UHRF1: variants seen among roughly 807,000 people sequenced by gnomAD.
The protein encoded by UHRF1 is ubiquitin like with PHD and ring finger domains 1, also known as E3 ubiquitin-protein ligase UHRF1.
In UHRF1, 9 loss-of-function variants were observed where a neutral mutation model predicts 96.5. That is an observed-to-expected ratio of 0.09 (90% CI 0.06 to 0.16). The LOEUF (loss-of-function observed/expected upper bound fraction) is 0.16, where lower values mean the gene tolerates loss of function less well. UHRF1 is among the 10% of genes least tolerant of loss of function. UHRF1 has a pLI of 1.00. For synonymous variants in UHRF1, 455 were observed against 469.9 expected (o/e 0.97, Z 0.41); for missense variants, 626 against 1,131.1 (o/e 0.55, Z 6.40).
intron 2 of UHRF1, among the ~76,000 whole-genome samples, chr19:4,915,380 A>G (rs1377777768): frequency 3.3e-5 from 5 of 152,126 alleles, no homozygotes; most frequent in Non-Finnish European, 7.4e-5. Flanking sequence ...CAATCTGTAA[A>G]CCGGTGGGCG....
At chr19:4,937,490 T>G (rs1247427449) in intron 5 of UHRF1, among the ~76,000 whole-genome samples, 3 of 151,948 alleles carry the variant, frequency 2.0e-5, no homozygotes, top group Non-Finnish European at 4.4e-5. Context: ...GCCTCTGGAG[T>G]AGCTGGGATT....
chr19:4,929,122 C>A (rs566055334), intron 2 of UHRF1, 100 bp from the exon 3 acceptor site: 85 of 1,439,176 alleles, frequency 5.9e-5, no homozygotes, highest in Admixed American at 1.9e-4. Flanking sequence ...GCCCCCCCCC[C>A]ACAAGGGCTG....
chr19:4,910,565 C>A, intron 1 of UHRF1: 1 of 293,324 alleles, frequency 3.4e-6, no homozygotes, highest in Non-Finnish European at 6.3e-6. Flanking sequence ...GCCACTTGGC[C>A]CGGGCCTCCT....
chr19:4,938,444 C>G (rs1789219266), intron 5 of UHRF1, among the ~76,000 whole-genome samples: 1 of 151,848 alleles, frequency 6.6e-6, no homozygotes. Flanking sequence ...TTTTGTCAGT[C>G]TTTACCAATT....
intron 2 of UHRF1, among the ~76,000 whole-genome samples, chr19:4,919,469 AT>A (rs549388535): frequency 2.6e-5 from 4 of 151,098 alleles, no homozygotes; most frequent in Non-Finnish European, 4.4e-5. Context: ...CGCCCAGCTA[AT>A]TTTTTGTATT....
intron 4 of UHRF1, 167 bp from the exon 5 acceptor site, chr19:4,932,574 T>C: frequency 1.4e-6 from 1 of 692,396 alleles, no homozygotes; most frequent in Admixed American, 2.9e-5. Flanking sequence ...ATTTTGTACC[T>C]GGAATGTGCC....
At chr19:4,947,515 T>G (rs1478914479) in intron 11 of UHRF1, among the ~76,000 whole-genome samples, 10 of 140,244 alleles carry the variant, frequency 7.1e-5, no homozygotes, top group African/African-American at 2.7e-4. Context: ...TTTTTTTTTT[T>G]TTTTGGGCAG....
rs112900132 is a variant in UHRF1, at chr19:4,932,172, C to G, written c.570-569C>G. 3.0e-3 allele frequency among the ~76,000 whole-genome samples: 452 copies of G among 152,364 alleles called. 3 individuals carry two copies. The highest frequency in any genetic ancestry group is 0.01 in the African/African-American group (426 of 41,582). ...TTCCGACCTCAGATGATCTGCCTGC[C>G]TCAGCCTCCCAAAGTGCTGGGATTA... On this transcript the variant is annotated intron_variant, in intron 4 of 16. Transcript: ENST00000650932.
intron 2 of UHRF1, among the ~76,000 whole-genome samples, chr19:4,920,598 A>G (rs2032671074): frequency 6.6e-6 from 1 of 150,644 alleles, no homozygotes; most frequent in African/African-American, 2.4e-5. Flanking sequence ...GGTGGAGCAC[A>G]GTGGCTATTC....
intron 4 of UHRF1, among the ~76,000 whole-genome samples, chr19:4,931,666 A>G (rs1428200434): frequency 6.6e-6 from 1 of 150,404 alleles, no homozygotes; most frequent in Non-Finnish European, 1.5e-5. Flanking sequence ...ATGGGGTTTC[A>G]CTATGTAGGT....
At chr19:4,944,102 G>T in intron 7 of UHRF1, 30 bp from the exon 8 acceptor site, 1 of 1,611,896 alleles carries the variant, frequency 6.2e-7, no homozygotes, top group Non-Finnish European at 8.5e-7. Flanking sequence ...GCCAGGCTAG[G>T]CGTGGGCAGT....
chr19:4,937,438 T>C (rs1411611954), intron 5 of UHRF1, among the ~76,000 whole-genome samples: 1 of 152,118 alleles, frequency 6.6e-6, no homozygotes, highest in Non-Finnish European at 1.5e-5. Context: ...CTTGGCTCAC[T>C]GCAACCTCCG....
At chr19:4,956,662 G>A (rs369930641) in intron 15 of UHRF1, 47 bp from the exon 16 acceptor site, 322 of 1,233,250 alleles carry the variant, frequency 2.6e-4, no homozygotes, top group Non-Finnish European at 3.4e-4. Context: ...ATCTGTGGGA[G>A]CCCTGGTCCC....
intron 4 of UHRF1, 116 bp from the exon 5 acceptor site, chr19:4,932,625 G>T: frequency 9.1e-7 from 1 of 1,099,206 alleles, no homozygotes; most frequent in Non-Finnish European, 1.3e-6. Flanking sequence ...ATATAAGCCT[G>T]TTGGGAGGGG....
intron 7 of UHRF1, among the ~76,000 whole-genome samples, chr19:4,943,501 C>CCG (rs1568425400): frequency 7.1e-6 from 1 of 141,660 alleles, no homozygotes; most frequent in East Asian, 2.0e-4. Context: ...CCCTGCCCCC[C>CCG]CTCCCCACAT....
chr19:4,935,514 C>T (rs564843859), intron 5 of UHRF1, among the ~76,000 whole-genome samples: 1 of 152,056 alleles, frequency 6.6e-6, no homozygotes, highest in African/African-American at 2.4e-5. Flanking sequence ...TGATATAATC[C>T]ACTACTTTGC....
intron 4 of UHRF1, among the ~76,000 whole-genome samples, chr19:4,931,103 A>T (rs2033038188): frequency 6.6e-6 from 1 of 152,158 alleles, no homozygotes; most frequent in South Asian, 2.1e-4. Flanking sequence ...CTGCTCGATC[A>T]GTGGCTGAAA....
rs192800623 is a variant in UHRF1 at position 4,918,274 on chromosome 19, C to A, written c.153+7236C>A. Among the ~76,000 whole-genome samples, 665 of 151,956 alleles carry A rather than the reference C, an allele frequency of 4.4e-3. 6 individuals carry two copies. Among genetic ancestry groups the A allele is most frequent in the African/African-American group, 0.015 (614 of 41,452 alleles). On this transcript the variant is annotated intron_variant, in intron 2 of 16. Transcript: ENST00000650932. The stretch of plus-strand genomic sequence containing the variant: ...AGCTGGGGTTACAGGTGCACACCAC[C>A]ACGTCCGGCTAATTTTTTTGTATTT...
chr19:4,957,719 A>C (rs2145224323), intron 16 of UHRF1, among the ~76,000 whole-genome samples: 1 of 152,196 alleles, frequency 6.6e-6, no homozygotes, highest in East Asian at 1.9e-4. Flanking sequence ...CGTCCTGGGC[A>C]CTGCAGGGTG....
Sources: allele counts gnomAD v4.1 joint callset (sites outside exome capture counted in the v4.1 genomes callset), GRCh38; gene constraint gnomAD v4.1.1; transcripts MANE v1.5; gene names NCBI Gene and HGNC (gene_info 2026-07-23, HGNC 2026-07-21).